The following SHROOM2 variants were observed in gnomAD, a reference collection of about 807,000 sequenced individuals.
The protein encoded by SHROOM2 is protein Shroom2.
SHROOM2 carries 33 observed loss-of-function variants against 75.9 expected under a neutral mutation model. That is an observed-to-expected ratio of 0.43 (90% confidence interval 0.33 to 0.58). SHROOM2 has a LOEUF of 0.58. Ranked by LOEUF, SHROOM2 falls within the 20% of genes least tolerant of loss-of-function variation. SHROOM2 has a pLI of 0.04. For synonymous variants in SHROOM2, 655 were observed against 663.6 expected (o/e 0.99, Z 0.20); for missense variants, 1,434 against 1,461.2 (o/e 0.98, Z 0.30).
chrX:9,945,775 C>G (rs2084813158), intron 9 of SHROOM2, among the ~76,000 whole-genome samples: 1 of 112,093 alleles, frequency 8.9e-6, no homozygotes, highest in African/African-American at 3.2e-5. Flanking sequence ...GTGGGTCTGT[C>G]TTTTCGTCCT....
chrX:9,859,281 C>T lies in SHROOM2; in HGVS notation c.166-14371C>T, dbSNP rs1012439822. On this transcript the variant is annotated intron_variant, in intron 1 of 9. Coordinates refer to ENST00000380913, the MANE Select transcript of SHROOM2 (RefSeq NM_001649.4). ...TCCTCCTGTAGTGCTAAGATGAAAG[C>T]AGGGCTTTAGACAACGTCGCTTATG... 9.4e-5 allele frequency among the ~76,000 whole-genome samples: 5 copies of T among 52,958 alleles called. No individual in the cohort carries two copies. In the South Asian group the frequency reaches 3.2e-3, roughly 34 times the overall value. The allele number at this position is 52,958 out of a possible 115,157, so 46.0% of individuals were successfully genotyped here. A position where few individuals can be genotyped will look rare whatever the true frequency, so the allele number is the denominator to read the frequency against.
At chrX:9,853,328 C>T (rs770203367) in intron 1 of SHROOM2, among the ~76,000 whole-genome samples, 6 of 112,092 alleles carry the variant, frequency 5.4e-5, no homozygotes, top group Non-Finnish European at 9.4e-5. Context: ...CACTTACTAG[C>T]CCATTTCTTG....
Position 9,894,976 on chromosome X carries a change from G to T in SHROOM2, c.1068G>T (p.Gln356His), listed in dbSNP as rs199746357. The T allele has an allele frequency of 7.9e-5, 96 of 1,209,080 alleles. No individual in the cohort carries two copies. Among genetic ancestry groups the T allele is most frequent in the Non-Finnish European group, 1.0e-4 (92 of 894,852 alleles). ...ACTTTACGGCCCTGGCCCAGGCTCA[G>T]CCTCGTGGTGACCGGAGACCAGAGC... ...AQHFTALAQA[Q>H]PRGDRRPELT... Residue 356 changes from glutamine (Q) to histidine (H), a missense_variant, in exon 4 of 10, where the codon CAG becomes CAT. Around this residue, in one of 3 missense-constraint regions of SHROOM2, gnomAD observed 1,340 missense variants for 1,338.3 expected, o/e 1.00. Transcript: ENST00000380913.
chrX:9,890,372 TAAAATA>T (rs1218766448), intron 2 of SHROOM2, among the ~76,000 whole-genome samples: 5 of 112,499 alleles, frequency 4.4e-5, no homozygotes, highest in Non-Finnish European at 9.4e-5. Flanking sequence ...GTCTCAAAAA[TAAAATA>T]AAAATAAAGA....
intron 1 of SHROOM2, among the ~76,000 whole-genome samples, chrX:9,815,786 T>C (rs1005798194): frequency 9.1e-6 from 1 of 110,096 alleles, no homozygotes; most frequent in Non-Finnish European, 1.9e-5. Flanking sequence ...TAGACCAGTC[T>C]CTCCTTTTCA....
intron 5 of SHROOM2, among the ~76,000 whole-genome samples, chrX:9,899,433 T>C (rs2084353820): frequency 9.0e-6 from 1 of 111,462 alleles, no homozygotes; most frequent in Admixed American, 9.5e-5. Flanking sequence ...GCCTTGAGAA[T>C]GTTGTGTGAT....
chrX:9,855,926 C>T (rs2084067784), intron 1 of SHROOM2, among the ~76,000 whole-genome samples: 2 of 111,328 alleles, frequency 1.8e-5, no homozygotes, highest in Admixed American at 1.9e-4. Context: ...TAAAAATCTT[C>T]CTAAGTTACT....
chrX:9,900,875 T>C (rs762060635), intron 5 of SHROOM2, among the ~76,000 whole-genome samples: 1 of 110,059 alleles, frequency 9.1e-6, no homozygotes, highest in African/African-American at 3.3e-5. Flanking sequence ...ATCAGAGGCT[T>C]CACCTCAGAC....
chrX:9,919,659 A>T (rs756379814), intron 5 of SHROOM2, among the ~76,000 whole-genome samples: 23 of 110,600 alleles, frequency 2.1e-4, no homozygotes, highest in Non-Finnish European at 3.8e-4. Flanking sequence ...CAGAACAGGA[A>T]TGGCTTCCTT....
At position 9,939,222 on chromosome X, in the gene SHROOM2, C is replaced by T. The variant is rs1369349959; in HGVS notation, c.4167C>T (p.Ala1389=). The T allele has an allele frequency of 9.9e-6, 12 of 1,206,999 alleles. No homozygotes were observed. Among genetic ancestry groups the T allele is most frequent in the African/African-American group, 1.7e-5 (1 of 57,194 alleles). The change falls in exon 8 of 10, where the codon GCC becomes GCT. Residue 1389 remains alanine, a synonymous_variant. Transcript: ENST00000380913. ...ERKEEPSVPA[A]VSLATNSTYY... is the part of the protein sequence containing the mutation. ...AAGAGGAGCCCAGCGTGCCTGCGGC[C>T]GTGTCCCTGGCCACCAATTCTACCT...
At chrX:9,792,243 C>G (rs982388984) in intron 1 of SHROOM2, among the ~76,000 whole-genome samples, 3 of 110,669 alleles carry the variant, frequency 2.7e-5, no homozygotes, top group African/African-American at 9.9e-5. Context: ...TTGGGCTGTC[C>G]TGTAGTAGAG....
chrX:9,786,580 G>T lies in SHROOM2; in HGVS notation c.35G>T (p.Arg12Leu), dbSNP rs1201860814. The change falls in exon 1 of 10, where the codon CGC becomes CTC. Residue 12 changes from arginine to leucine, a missense_variant. Arg to Leu is a moderately radical substitution (Grantham distance 102). This residue lies in a region of SHROOM2 where 1,340 missense variants were observed against 1,338.3 expected (regional missense o/e 1.00). Transcript: ENST00000380913. The stretch of plus-strand genomic sequence containing the variant: ...GCCGAGCCCCGCGCGCGGCCCGAGC[G>T]CCTGGCCGAGGCCGAGACGCGGGCG... ...EGAEPRARPE[R>L]LAEAETRAAD... 2.3e-6 allele frequency: 2 copies of T among 864,296 alleles called. No homozygotes were observed. The highest frequency in any genetic ancestry group is 6.1e-5 in the East Asian group (1 of 16,386). The allele number at this position is 864,296 out of a possible 1,213,427, so 71.2% of individuals were successfully genotyped here.
At chrX:9,922,140 A>G (rs1487501896) in intron 5 of SHROOM2, among the ~76,000 whole-genome samples, 2 of 111,382 alleles carry the variant, frequency 1.8e-5, no homozygotes, top group African/African-American at 3.3e-5. Context: ...TGCATCGTTG[A>G]ATTCCTGGAT....
At chrX:9,802,478 GT>G (rs938387026) in intron 1 of SHROOM2, among the ~76,000 whole-genome samples, 1 of 111,786 alleles carries the variant, frequency 8.9e-6, no homozygotes, top group Non-Finnish European at 1.9e-5. Context: ...GACATTCACA[GT>G]TTTGTGGAAG....
intron 5 of SHROOM2, among the ~76,000 whole-genome samples, chrX:9,898,728 T>C (rs1370238202): frequency 3.6e-5 from 4 of 111,656 alleles, no homozygotes; most frequent in Non-Finnish European, 5.6e-5. Context: ...CTAAGGATTG[T>C]TAGTAAGAAA....
intron 1 of SHROOM2, among the ~76,000 whole-genome samples, chrX:9,855,236 G>A (rs1335243882): frequency 3.6e-5 from 3 of 83,554 alleles, no homozygotes; most frequent in African/African-American, 1.4e-4. Flanking sequence ...CATGGCACGT[G>A]TATACCTATG....
At chrX:9,942,288 T>C (rs1002669793) in intron 8 of SHROOM2, among the ~76,000 whole-genome samples, 6 of 112,098 alleles carry the variant, frequency 5.4e-5, no homozygotes, top group Admixed American at 3.8e-4. Flanking sequence ...GGTGACCACA[T>C]GTGTGAGGGG....
At chrX:9,920,745 G>A (rs1364558542) in intron 5 of SHROOM2, among the ~76,000 whole-genome samples, 1 of 112,085 alleles carries the variant, frequency 8.9e-6, no homozygotes, top group Non-Finnish European at 1.9e-5. Context: ...CAGATTTTTA[G>A]AAGCAGATAA....
chrX:9,844,541 A>C (rs778105828), intron 1 of SHROOM2, among the ~76,000 whole-genome samples: 1 of 109,699 alleles, frequency 9.1e-6, no homozygotes, highest in South Asian at 4.0e-4. Context: ...GGCCGGATGC[A>C]GTGGCTCATG....
Sources: allele counts gnomAD v4.1 joint callset (sites outside exome capture counted in the v4.1 genomes callset), GRCh38; gene constraint gnomAD v4.1.1; regional missense constraint gnomAD v4.1.1; transcripts MANE v1.5; gene names NCBI Gene and HGNC (gene_info 2026-07-23, HGNC 2026-07-21).